The following LAMA4 variants were observed in gnomAD, a reference collection of about 807,000 sequenced individuals.
The protein encoded by LAMA4 is laminin subunit alpha-4.
LAMA4 carries 127 observed loss-of-function variants against 207.1 expected under a neutral mutation model. The observed-to-expected ratio is 0.61, with a 90% CI of 0.53 to 0.71. LAMA4 has a LOEUF of 0.71. Ranked by LOEUF, LAMA4 falls within the 30% of genes least tolerant of loss-of-function variation. The pLI is 0.00. For missense variants in LAMA4, 2,093 were observed against 2,246.5 expected, an observed-to-expected ratio of 0.93 and a Z score of 1.38; for synonymous variants, 761 against 816.0, an observed-to-expected ratio of 0.93 and a Z score of 1.15.
intron 5 of LAMA4, among the ~76,000 whole-genome samples, chr6:112,197,284 C>A (rs1479150245): frequency 6.6e-6 from 1 of 152,104 alleles, no homozygotes; most frequent in East Asian, 1.9e-4. Flanking sequence ...GGAGGAAAGA[C>A]AGGTAGGGCC....
intron 32 of LAMA4, among the ~76,000 whole-genome samples, chr6:112,120,768 G>C (rs1322580671): frequency 6.6e-6 from 1 of 152,176 alleles, no homozygotes; most frequent in African/African-American, 2.4e-5. Flanking sequence ...TGCAGGCTGG[G>C]TGCCATGGCT....
intron 2 of LAMA4, among the ~76,000 whole-genome samples, chr6:112,240,229 T>G (rs2051651): frequency 0.072 from 10,967 of 152,220 alleles, 646 homozygotes; most frequent in East Asian, 0.23. Flanking sequence ...CATTTTTTTG[T>G]TTAATTGTTT....
At chr6:112,171,435 A>T (rs1781704541) in intron 12 of LAMA4, among the ~76,000 whole-genome samples, 2 of 152,080 alleles carry the variant, frequency 1.3e-5, no homozygotes, top group South Asian at 4.1e-4. Flanking sequence ...GAGGAGAGAG[A>T]AGGGGAGACT....
At chr6:112,194,827 C>T (rs1583857207) in intron 5 of LAMA4, among the ~76,000 whole-genome samples, 1 of 152,120 alleles carries the variant, frequency 6.6e-6, no homozygotes, top group African/African-American at 2.4e-5. Context: ...CCCTGGTGCC[C>T]AGTAGCCTGG....
In LAMA4 at chr6:112,130,300, T is replaced by TGTG. The variant is rs59700559; in HGVS notation, c.3969-261_3969-260insCAC. ...AGATGACTAGTCATCAGCATTATTTTTGTGTGTGTGTGTGTGTGTGTGTGT... is the reference window on the plus strand; with the variant it reads ...AGATGACTAGTCATCAGCATTATTTTGTGTGTGTGTGTGTGTGTGTGTGTGTGT... On this transcript the variant is annotated intron_variant, in intron 29 of 38. Coordinates refer to ENST00000230538, the MANE Select transcript of LAMA4 (RefSeq NM_001105206.3). 2,636 of 382,094 alleles carry TGTG rather than the reference T, an allele frequency of 6.9e-3. 59 individuals carry two copies. The highest frequency in any genetic ancestry group is 0.047 in the African/African-American group (2,205 of 46,692). 23.7% of individuals were successfully genotyped at this position (382,094 alleles called of 1,614,324 possible).
At chr6:112,115,514 A>C (rs1392658685) in intron 36 of LAMA4, among the ~76,000 whole-genome samples, 2 of 152,114 alleles carry the variant, frequency 1.3e-5, no homozygotes, top group Admixed American at 1.3e-4. Context: ...CATACATATT[A>C]TAGATATTTA....
At chr6:112,154,830 T>C (rs995126706) in intron 16 of LAMA4, 21 bp downstream of exon 16, 1 of 1,430,280 alleles carries the variant, frequency 7.0e-7, no homozygotes, top group African/African-American at 1.4e-5. Flanking sequence ...AGAAAGGAGA[T>C]AGGAAAGTGA....
intron 9 of LAMA4, among the ~76,000 whole-genome samples, chr6:112,180,483 C>T (rs1157575388): frequency 2.0e-5 from 3 of 151,994 alleles, no homozygotes; most frequent in South Asian, 2.1e-4. Flanking sequence ...GATATAGGCA[C>T]GTGGGAAAAC....
At chr6:112,222,697 A>T (rs576163968) in intron 2 of LAMA4, among the ~76,000 whole-genome samples, 1 of 152,232 alleles carries the variant, frequency 6.6e-6, no homozygotes, top group African/African-American at 2.4e-5. Context: ...CTCCACTCAC[A>T]GCTCTCAAAT....
intron 5 of LAMA4, chr6:112,196,677 G>A (rs1554350578): frequency 1.3e-5 from 2 of 152,180 alleles, no homozygotes; most frequent in Non-Finnish European, 2.9e-5. Flanking sequence ...TATTCAGCCA[G>A]ACTCAGTCAA....
At chr6:112,182,840 C>A (rs1349467965) in intron 9 of LAMA4, among the ~76,000 whole-genome samples, 1 of 152,162 alleles carries the variant, frequency 6.6e-6, no homozygotes, top group Non-Finnish European at 1.5e-5. Context: ...AAAGTAGAAT[C>A]TTGGCACGAT....
intron 3 of LAMA4, among the ~76,000 whole-genome samples, chr6:112,211,936 A>T (rs899923467): frequency 6.6e-6 from 1 of 151,970 alleles, no homozygotes; most frequent in Non-Finnish European, 1.5e-5. Flanking sequence ...GGAGCAGGGG[A>T]TGGATGATGA....
chr6:112,130,552 A>C (rs1424618616), intron 29 of LAMA4, among the ~76,000 whole-genome samples: 1 of 152,042 alleles, frequency 6.6e-6, no homozygotes, highest in Admixed American at 6.6e-5. Context: ...TAAATTCAGT[A>C]TTATCTATTT....
chr6:112,215,660 A>G (rs1554358365), intron 3 of LAMA4, among the ~76,000 whole-genome samples: 1 of 152,172 alleles, frequency 6.6e-6, no homozygotes. Flanking sequence ...TCTGGTAAAT[A>G]TTTCAACACC....
At chr6:112,195,799 A>G (rs1783379992) in intron 5 of LAMA4, among the ~76,000 whole-genome samples, 1 of 152,218 alleles carries the variant, frequency 6.6e-6, no homozygotes, top group Admixed American at 6.5e-5. Context: ...CATTGAGATC[A>G]TATGACTGAA....
At chr6:112,111,884 T>A (rs1222481053) in intron 38 of LAMA4, among the ~76,000 whole-genome samples, 1 of 152,182 alleles carries the variant, frequency 6.6e-6, no homozygotes, top group Non-Finnish European at 1.5e-5. Flanking sequence ...GGGATCAGAC[T>A]GTGAAAGCAA....
chr6:112,122,327 C>A, intron 31 of LAMA4, 126 bp from the exon 32 acceptor site: 1 of 721,022 alleles, frequency 1.4e-6, no homozygotes, highest in South Asian at 1.7e-5. Context: ...ATTCATGGAA[C>A]ATTAGGTCCC....
rs1554190586 is a variant in LAMA4 at position 112,254,137 on chromosome 6, G to A, written c.14C>T (p.Ser5Leu). The change falls in exon 2 of 39, where the codon TCA (serine) becomes TTA (leucine). Residue 5 changes from serine to leucine, a missense_variant. Around this residue, in one of 3 missense-constraint regions of LAMA4, gnomAD observed 1,704 missense variants for 1,788.4 expected, o/e 0.95. Coordinates refer to ENST00000230538, the MANE Select transcript of LAMA4 (RefSeq NM_001105206.3). The part of the protein sequence containing the change: MALS[S>L]AWRSVLPLWL... ...CAGAGGCAGAACCGAGCGCCAGGCT[G>A]AGCTCAAAGCCATTTCTCCGCTGAC... is the stretch of plus-strand genomic sequence containing the variant. 4 of 1,612,816 alleles carry A rather than the reference G, an allele frequency of 2.5e-6. No homozygotes were observed. Among genetic ancestry groups the A allele is most frequent in the African/African-American group, 2.7e-5 (2 of 74,948 alleles).
intron 17 of LAMA4, among the ~76,000 whole-genome samples, chr6:112,148,847 TTTC>T (rs1369775140): frequency 6.6e-6 from 1 of 151,658 alleles, no homozygotes; most frequent in Non-Finnish European, 1.5e-5. Context: ...TATAGGTGAT[TTTC>T]TTCTTTTTTT....
Sources: gnomAD v4.1 joint callset for allele counts (sites outside exome capture counted in the v4.1 genomes callset) on GRCh38, gnomAD v4.1.1 for gene constraint, gnomAD v4.1.1 regional missense constraint, MANE v1.5 for transcripts, NCBI Gene and HGNC (gene_info 2026-07-23, HGNC 2026-07-21) for gene names.